The following ZNF107 variants were observed in gnomAD, a reference collection of about 807,000 sequenced individuals.
ZNF107 encodes C2H2 type zinc-finger protein.
A neutral mutation model predicts 12.3 loss-of-function variants in ZNF107; 19 were observed. The ratio of observed to expected loss-of-function variants is 1.55; its 90% CI spans 1.08 to 2.27. The LOEUF (loss-of-function observed/expected upper bound fraction) is 2.27, where lower values mean the gene tolerates loss of function less well. Ranked by LOEUF, ZNF107 falls within the 30% of genes most tolerant of loss-of-function variation. ZNF107 has a pLI of 0.00. For synonymous variants in ZNF107, 317 were observed against 330.5 expected (o/e 0.96, Z 0.44); for missense variants, 958 against 979.9 (o/e 0.98, Z 0.30).
chr7:64,668,453 A>G (rs566533034), intron 1 of ZNF107, among the ~76,000 whole-genome samples: 2 of 149,628 alleles, frequency 1.3e-5, no homozygotes, highest in South Asian at 2.1e-4. Context: ...AGCTTTATCC[A>G]TGTCCCTGCA....
At chr7:64,675,320 T>C (rs925746466) in intron 1 of ZNF107, among the ~76,000 whole-genome samples, 5 of 152,220 alleles carry the variant, frequency 3.3e-5, no homozygotes, top group African/African-American at 1.2e-4. Context: ...CTTTTTCTGC[T>C]CAGTCTTGGG....
At chr7:64,696,671 C>T (rs916097313) in intron 3 of ZNF107, among the ~76,000 whole-genome samples, 4 of 151,938 alleles carry the variant, frequency 2.6e-5, no homozygotes, top group Non-Finnish European at 4.4e-5. Flanking sequence ...AAACACCCTT[C>T]CACTTTTGGT....
intron 1 of ZNF107, among the ~76,000 whole-genome samples, chr7:64,677,877 A>G (rs1789486878): frequency 1.4e-5 from 2 of 144,452 alleles, no homozygotes; most frequent in African/African-American, 5.1e-5. Flanking sequence ...AAAAAAAAGG[A>G]TGTCCAGGAG....
rs4718103 is a variant in ZNF107 at position 64,708,428 on chromosome 7, T to C, written c.2331T>C (p.Thr777=). ...GKAFNQSSNL[T]THKKIHTSEK... is the part of the protein sequence containing the mutation. ...CTTTTAACCAATCCTCAAACCTTAC[T>C]ACACATAAGAAAATTCATACTTCAG... Residue 777 remains threonine (T), a synonymous_variant, in exon 4 of 4, where the codon ACT becomes ACC. Transcript: ENST00000620827. 0.42 allele frequency: 675,925 copies of C among 1,612,384 alleles called. 145,874 individuals carry two copies. Among genetic ancestry groups the C allele is most frequent in the South Asian group, 0.52 (47,495 of 91,026 alleles).
intron 1 of ZNF107, among the ~76,000 whole-genome samples, chr7:64,677,392 G>A (rs1397376315): frequency 1.3e-4 from 19 of 151,106 alleles, no homozygotes; most frequent in Admixed American, 9.9e-4. Flanking sequence ...GGCTGGTCTC[G>A]AACTCATGAC....
chr7:64,668,410 G>A (rs1017646128), intron 1 of ZNF107, among the ~76,000 whole-genome samples: 1 of 146,634 alleles, frequency 6.8e-6, no homozygotes, highest in Admixed American at 7.0e-5. Context: ...TGCGGTGTTT[G>A]GTTTTTTGTC....
intron 3 of ZNF107, among the ~76,000 whole-genome samples, chr7:64,703,493 G>A (rs1790540627): frequency 6.6e-6 from 1 of 152,138 alleles, no homozygotes; most frequent in Non-Finnish European, 1.5e-5. Context: ...GCAGTGGTAT[G>A]ATCTCAGCTC....
intron 2 of ZNF107, 148 bp downstream of exon 2, chr7:64,691,522 G>A: frequency 1.3e-6 from 1 of 756,384 alleles, no homozygotes; most frequent in Non-Finnish European, 1.8e-6. Context: ...TCTTTGTGTA[G>A]AAAATAATTC....
intron 3 of ZNF107, among the ~76,000 whole-genome samples, chr7:64,702,389 C>T (rs1166336352): frequency 6.6e-6 from 1 of 152,166 alleles, no homozygotes; most frequent in African/African-American, 2.4e-5. Flanking sequence ...CCCGCCTCAA[C>T]CTCCCAAAGT....
rs1012597050 is a variant in ZNF107 at position 64,666,215 on chromosome 7, T to A, written c.-68T>A. The A allele has an allele frequency of 3.6e-5, 58 of 1,592,036 alleles. No homozygotes were observed. In the African/African-American group the frequency reaches 4.7e-4, roughly 13 times the overall value. ...TCTGCTCCTAGAGGCCCAGCCTCTG[T>A]GTCCCTGTGACCTGCAGATATTGGG... On this transcript the variant is annotated 5_prime_UTR_variant, in exon 1 of 4. Transcript: ENST00000620827.
chr7:64,681,671 A>G (rs1262818161), intron 1 of ZNF107, among the ~76,000 whole-genome samples: 1 of 151,866 alleles, frequency 6.6e-6, no homozygotes, highest in African/African-American at 2.4e-5. Context: ...TCCTATCCCT[A>G]TGCCACCCCT....
intron 1 of ZNF107, chr7:64,687,718 G>A (rs565956708): frequency 3.3e-6 from 1 of 305,298 alleles, no homozygotes; most frequent in East Asian, 1.7e-4. Flanking sequence ...TTCTACTTGT[G>A]GACTAATTAT....
At chr7:64,687,147 T>G in intron 1 of ZNF107, 1 of 985,966 alleles carries the variant, frequency 1.0e-6, no homozygotes, top group Non-Finnish European at 1.2e-6. Flanking sequence ...GAGTGAGCTG[T>G]TTTTCTCTTG....
At chr7:64,682,100 C>G (rs1470207927) in intron 1 of ZNF107, among the ~76,000 whole-genome samples, 2 of 77,586 alleles carry the variant, frequency 2.6e-5, no homozygotes, top group Non-Finnish European at 5.2e-5. Flanking sequence ...CTTTTCCTAC[C>G]TCATCCAGTA....
intron 1 of ZNF107, among the ~76,000 whole-genome samples, chr7:64,667,534 C>G (rs1231666942): frequency 5.3e-5 from 8 of 152,184 alleles, no homozygotes; most frequent in African/African-American, 1.9e-4. Flanking sequence ...GGTGATGTGT[C>G]CTCAGCCACC....
At chr7:64,667,386 T>C (rs1789042825) in intron 1 of ZNF107, among the ~76,000 whole-genome samples, 1 of 152,202 alleles carries the variant, frequency 6.6e-6, no homozygotes, top group South Asian at 2.1e-4. Flanking sequence ...ATATTTCCAA[T>C]GAGAAGAAAA....
chr7:64,667,740 G>A (rs1007903921), intron 1 of ZNF107, among the ~76,000 whole-genome samples: 2 of 152,104 alleles, frequency 1.3e-5, no homozygotes, highest in African/African-American at 4.8e-5. Context: ...TGGATGCCCT[G>A]GGGCTGAGAG....
chr7:64,672,014 C>T (rs1789249041), intron 1 of ZNF107, among the ~76,000 whole-genome samples: 1 of 151,852 alleles, frequency 6.6e-6, no homozygotes, highest in Admixed American at 6.6e-5. Flanking sequence ...TCTCGATCTC[C>T]TGACCTTGTG....
Position 64,691,374 on chromosome 7 carries a change from G to C in ZNF107, c.130G>C (p.Gly44Arg). The change falls in exon 2 of 4, where the codon GGT becomes CGT. Residue 44 changes from glycine to arginine, a missense_variant and splice_region_variant. By Grantham distance (125) the Gly-to-Arg change is moderately radical (BLOSUM62 -2). Transcript: ENST00000620827. Reference sequence around the variant, plus strand: ...GAACTACAGAAACCTGGTCTTTTTGGGTGAGGATAACTTCAATACACAATT... The same window carrying C: ...GAACTACAGAAACCTGGTCTTTTTGCGTGAGGATAACTTCAATACACAATT... ...LENYRNLVFL[G>R]IAVSKPYLIT... The C allele has an allele frequency of 6.8e-7, 1 of 1,470,174 alleles. No individual in the cohort carries two copies. Among genetic ancestry groups the C allele is most frequent in the African/African-American group, 1.5e-5 (1 of 68,768 alleles). 91.1% of individuals were successfully genotyped at this position (1,470,174 alleles called of 1,614,324 possible).
Sources: allele counts gnomAD v4.1 joint callset (sites outside exome capture counted in the v4.1 genomes callset), GRCh38; gene constraint gnomAD v4.1.1; transcripts MANE v1.5; gene names NCBI Gene and HGNC (gene_info 2026-07-23, HGNC 2026-07-21).